The following PTGIS variants were observed in gnomAD, a reference collection of about 807,000 sequenced individuals.
PTGIS encodes the protein prostaglandin I2 synthase, also known as prostacyclin synthase.
Under a neutral mutation model 50.3 loss-of-function variants are expected in PTGIS, and 45 were observed. The ratio of observed to expected loss-of-function variants is 0.90; its 90% confidence interval spans 0.70 to 1.15. The LOEUF (loss-of-function observed/expected upper bound fraction) is 1.15, where lower values mean the gene tolerates loss of function less well. Ranked by LOEUF, PTGIS falls within the 50% of genes most tolerant of loss-of-function variation. The pLI is 0.00. For synonymous variants in PTGIS, 260 were observed against 267.7 expected (o/e 0.97, Z 0.28); for missense variants, 668 against 661.3 (o/e 1.01, Z -0.11).
chr20:49,514,031 G>A (rs1036139116), intron 7 of PTGIS, among the ~76,000 whole-genome samples, 196 bp downstream of exon 7: 2 of 152,204 alleles, frequency 1.3e-5, no homozygotes, highest in Non-Finnish European at 2.9e-5. Context: ...TTGAAGTTAG[G>A]TTTTCTGTCA....
At position 49,513,150 on chromosome 20, in the gene PTGIS, C is replaced by T. The variant is rs765709407; in HGVS notation, c.1136G>A (p.Arg379His). The change falls in exon 8 of 10, where the codon CGT becomes CAT. Residue 379 changes from arginine (R) to histidine (H), a missense_variant. Transcript: ENST00000244043. The stretch of plus-strand genomic sequence containing the variant: ...GGGGAAGAGGAGGAGGCGGTCACCA[C>T]GTCGCAGGTTGAATTCTCGCCCGTC... ...MADGREFNLRRGDRLLLFPFL... is the reference protein window; with the variant it reads ...MADGREFNLRHGDRLLLFPFL... The T allele has an allele frequency of 1.2e-5, 20 of 1,613,996 alleles. No homozygotes were observed. In the African/African-American group the frequency reaches 1.3e-4, roughly 11 times the overall value.
chr20:49,536,676 T>G (rs1982085675), intron 5 of PTGIS, among the ~76,000 whole-genome samples: 1 of 151,952 alleles, frequency 6.6e-6, no homozygotes, highest in African/African-American at 2.4e-5. Flanking sequence ...AGAGACAGGG[T>G]TCCGCCATGT....
intron 6 of PTGIS, among the ~76,000 whole-genome samples, chr20:49,519,707 A>T (rs1981595810): frequency 6.7e-6 from 1 of 149,390 alleles, no homozygotes; most frequent in East Asian, 2.0e-4. Context: ...CCAAAGCCCA[A>T]CCCCCGATCT....
intron 5 of PTGIS, among the ~76,000 whole-genome samples, chr20:49,529,221 T>C (rs1039742930): frequency 6.6e-5 from 10 of 152,206 alleles, no homozygotes; most frequent in Non-Finnish European, 1.3e-4. Context: ...CCAGAACTTA[T>C]TCATTTTATA....
At chr20:49,562,392 G>T (rs562614480) in intron 1 of PTGIS, among the ~76,000 whole-genome samples, 1 of 152,128 alleles carries the variant, frequency 6.6e-6, no homozygotes, top group Non-Finnish European at 1.5e-5. Flanking sequence ...CCAAGGAGGC[G>T]CAGACAAAGG....
intron 6 of PTGIS, among the ~76,000 whole-genome samples, chr20:49,519,970 C>G (rs566395897): frequency 2.0e-5 from 3 of 152,312 alleles, no homozygotes; most frequent in African/African-American, 4.8e-5. Flanking sequence ...TTCCCCACCC[C>G]CTACAGTCTC....
intron 1 of PTGIS, 105 bp downstream of exon 1, chr20:49,567,938 C>CG: frequency 5.5e-6 from 6 of 1,098,468 alleles, no homozygotes; most frequent in Non-Finnish European, 7.2e-6. Context: ...GATACTGGAG[C>CG]GGGACTCGGG....
chr20:49,516,961 G>C (rs116069176), intron 6 of PTGIS, among the ~76,000 whole-genome samples: 140 of 152,312 alleles, frequency 9.2e-4, no homozygotes, highest in African/African-American at 3.2e-3. Flanking sequence ...TTCTGTGACT[G>C]TGGACAAGTC....
At position 49,505,880 on chromosome 20, in the gene PTGIS, C is replaced by T. The variant is rs1296736248; in HGVS notation, c.*2040G>A. The T allele has an allele frequency of 6.6e-6, 1 of 152,616 alleles. No individual in the cohort carries two copies. The highest frequency in any genetic ancestry group is 1.5e-5 in the Non-Finnish European group (1 of 68,086). The allele number at this position is 152,616 out of a possible 1,614,324, so 9.5% of individuals were successfully genotyped here. A position where few individuals can be genotyped will look rare whatever the true frequency, so the allele number is the denominator to read the frequency against. ...CCTGGAGGCTGAGGCCCAGGGAAGC[C>T]CCCAAACCCCAGTGCTGCTCTGAGA... On this transcript the variant is annotated 3_prime_UTR_variant, in exon 10 of 10. Coordinates refer to ENST00000244043, the MANE Select transcript of PTGIS (RefSeq NM_000961.4).
intron 1 of PTGIS, among the ~76,000 whole-genome samples, chr20:49,557,809 A>G (rs1433316893): frequency 1.3e-5 from 2 of 152,274 alleles, no homozygotes; most frequent in East Asian, 3.9e-4. Context: ...TTTACTGTGC[A>G]TGAGAGAAAT....
chr20:49,562,005 C>T (rs1187830589), intron 1 of PTGIS, among the ~76,000 whole-genome samples: 2 of 152,176 alleles, frequency 1.3e-5, no homozygotes, highest in African/African-American at 4.8e-5. Flanking sequence ...AATGAATCCT[C>T]CCCCTAACCT....
rs1267919884 is a variant in PTGIS at position 49,508,016 on chromosome 20, T to C, written c.1407A>G (p.Ala469=). Residue 469 remains alanine (A), a synonymous_variant, in exon 10 of 10, where the codon GCA becomes GCG. Transcript: ENST00000244043. Reference sequence around the variant, plus strand: ...GGTCAAACTCAGGGATCTCCACATCTGCGTTGATCAGCTCCAAGTCCAAGT... The same window carrying C: ...GGTCAAACTCAGGGATCTCCACATCCGCGTTGATCAGCTCCAAGTCCAAGT... ...LVHLDLELIN[A]DVEIPEFDLS... is the part of the protein sequence containing the mutation. The C allele has an allele frequency of 1.2e-6, 2 of 1,613,876 alleles. No homozygotes were observed. Among genetic ancestry groups the C allele is most frequent in the African/African-American group, 2.7e-5 (2 of 74,926 alleles).
At chr20:49,525,192 C>T (rs1281389630) in intron 5 of PTGIS, among the ~76,000 whole-genome samples, 1 of 152,202 alleles carries the variant, frequency 6.6e-6, no homozygotes, top group South Asian at 2.1e-4. Flanking sequence ...CAGAAAGGGG[C>T]CATGGCACTT....
chr20:49,512,460 A>G (rs6095557), intron 8 of PTGIS, among the ~76,000 whole-genome samples: 42,273 of 151,398 alleles, frequency 0.28, 6,083 homozygotes, highest in Middle Eastern at 0.35. Flanking sequence ...TAGGTAGATA[A>G]GTGAGTGTGT....
chr20:49,557,524 T>C (rs914066473), intron 1 of PTGIS, among the ~76,000 whole-genome samples: 2 of 149,486 alleles, frequency 1.3e-5, no homozygotes, highest in African/African-American at 4.9e-5. Context: ...TCTGGAAGGT[T>C]GAGGCTGCAG....
chr20:49,557,038 T>A (rs1011886049), intron 1 of PTGIS, among the ~76,000 whole-genome samples: 4 of 152,036 alleles, frequency 2.6e-5, no homozygotes, highest in African/African-American at 9.7e-5. Flanking sequence ...GACTTGAGAG[T>A]AATATGGCCT....
intron 3 of PTGIS, 96 bp from the exon 4 acceptor site, chr20:49,544,544 A>C: frequency 1.0e-4 from 142 of 1,420,142 alleles, no homozygotes; most frequent in Non-Finnish European, 1.3e-4. Context: ...CCCAGAGCTC[A>C]AGCTCCCCAT....
intron 1 of PTGIS, among the ~76,000 whole-genome samples, chr20:49,554,280 T>C (rs1019145075): frequency 6.6e-6 from 1 of 152,194 alleles, no homozygotes; most frequent in Non-Finnish European, 1.5e-5. Flanking sequence ...ATCATAAAGG[T>C]CTAAAGGAAA....
chr20:49,548,990 G>T (rs565205285), intron 2 of PTGIS, among the ~76,000 whole-genome samples: 1 of 152,280 alleles, frequency 6.6e-6, no homozygotes, highest in African/African-American at 2.4e-5. Flanking sequence ...TACATGGAAG[G>T]TGGGTGGGTG....
Sources: allele counts gnomAD v4.1 joint callset (sites outside exome capture counted in the v4.1 genomes callset), GRCh38; gene constraint gnomAD v4.1.1; transcripts MANE v1.5; gene names NCBI Gene and HGNC (gene_info 2026-07-23, HGNC 2026-07-21).